The following PHLDA3 variants were observed in gnomAD, a reference collection of about 807,000 sequenced individuals.
PHLDA3 encodes the protein pleckstrin homology like domain family A member 3.
In PHLDA3, 12 loss-of-function variants were observed where a neutral mutation model predicts 7.6. The ratio of observed to expected loss-of-function variants is 1.58; its 90% CI spans 1.01 to 2.55. The LOEUF (loss-of-function observed/expected upper bound fraction) is 2.55, where lower values mean the gene tolerates loss of function less well. PHLDA3 is among the 30% of genes most tolerant of loss of function. PHLDA3 has a pLI of 0.00. For missense variants in PHLDA3, 177 were observed against 175.6 expected (o/e 1.01, Z -0.05); for synonymous variants, 104 against 85.1 (o/e 1.22, Z -1.23).
In PHLDA3 at chr1:201,464,425, A is replaced by G. The variant is rs1483290787; in HGVS notation, c.*1816T>C. ...TTATAAAAGTTCTGTTGTAATTAACAAATTCTCATTCAACTGTGTGATGTA... is the reference window on the plus strand; with the variant it reads ...TTATAAAAGTTCTGTTGTAATTAACGAATTCTCATTCAACTGTGTGATGTA... On this transcript the variant is annotated 3_prime_UTR_variant, in exon 2 of 2. Coordinates refer to ENST00000367311, the MANE Select transcript of PHLDA3 (RefSeq NM_012396.5). 2.0e-5 allele frequency: 3 copies of G among 152,262 alleles called. No individual in the cohort carries two copies. The allele number at this position is 152,262 out of a possible 1,614,324, so 9.4% of individuals were successfully genotyped here. A position where few individuals can be genotyped will look rare whatever the true frequency, so the allele number is the denominator to read the frequency against.
chr1:201,469,144 G>T lies in PHLDA3; in HGVS notation c.-358C>A. 1 of 222,470 alleles carries T rather than the reference G, an allele frequency of 4.5e-6. No individual in the cohort carries two copies. The allele number at this position is 222,470 out of a possible 1,614,324, so 13.8% of individuals were successfully genotyped here. On this transcript the variant is annotated 5_prime_UTR_variant, in exon 1 of 2. Coordinates refer to ENST00000367311, the MANE Select transcript of PHLDA3 (RefSeq NM_012396.5). ...CCCCTGGGCTCTGTCTGCGCGCTGG[G>T]CGGCAGCTCGCGGGATGTGCCCTTA...
At chr1:201,467,992 C>T (rs192746362) in intron 1 of PHLDA3, among the ~76,000 whole-genome samples, 6 of 152,378 alleles carry the variant, frequency 3.9e-5, no homozygotes, top group Non-Finnish European at 8.8e-5. Flanking sequence ...CAGAGGCCCA[C>T]AGCCTGGGGC....
chr1:201,469,120 C>A lies in PHLDA3; in HGVS notation c.-334G>T. 3.8e-6 allele frequency: 1 copy of A among 265,196 alleles called. No homozygotes were observed. The highest frequency in any genetic ancestry group is 7.1e-6 in the Non-Finnish European group (1 of 141,664). The allele number at this position is 265,196 out of a possible 1,614,324, so 16.4% of individuals were successfully genotyped here. On this transcript the variant is annotated 5_prime_UTR_variant, in exon 1 of 2. Transcript: ENST00000367311. Reference sequence around the variant, plus strand: ...CCACCGCCCGCCCGTTCTCTTGCTCCCCTGGGCTCTGTCTGCGCGCTGGGC... The same window carrying A: ...CCACCGCCCGCCCGTTCTCTTGCTCACCTGGGCTCTGTCTGCGCGCTGGGC...
intron 1 of PHLDA3, chr1:201,467,654 A>T: frequency 6.9e-6 from 1 of 145,332 alleles, no homozygotes; most frequent in Non-Finnish European, 1.5e-5. Flanking sequence ...ACACACACAC[A>T]CACACACACA....
intron 1 of PHLDA3, among the ~76,000 whole-genome samples, chr1:201,467,222 G>A (rs965323013): frequency 4.6e-5 from 7 of 152,098 alleles, no homozygotes; most frequent in Non-Finnish European, 1.5e-5. Context: ...TGGGAGGATC[G>A]CTTGAGCCCA....
In PHLDA3 at chr1:201,465,571, C is replaced by T. The variant is rs1296092912; in HGVS notation, c.*670G>A. 6.5e-6 allele frequency: 1 copy of T among 155,004 alleles called. No homozygotes were observed. Among genetic ancestry groups the T allele is most frequent in the East Asian group, 1.9e-4 (1 of 5,202 alleles). 9.6% of individuals were successfully genotyped at this position (155,004 alleles called of 1,614,324 possible). On this transcript the variant is annotated 3_prime_UTR_variant, in exon 2 of 2. Transcript: ENST00000367311. ...CTAATGGCCAAACCCCCCCTCACCC[C>T]CACCACCTTCAGGCCGAACACCGCA...
intron 1 of PHLDA3, among the ~76,000 whole-genome samples, chr1:201,467,815 G>T (rs1383105234): frequency 1.3e-5 from 2 of 152,160 alleles, no homozygotes; most frequent in Non-Finnish European, 2.9e-5. Flanking sequence ...TGGTGCCTTC[G>T]CCATCTGGGA....
chr1:201,468,664 G>C lies in PHLDA3; in HGVS notation c.123C>G (p.Phe41Leu). 2 of 1,612,620 alleles carry C rather than the reference G, an allele frequency of 1.2e-6. No homozygotes were observed. The highest frequency in any genetic ancestry group is 1.7e-6 in the Non-Finnish European group (2 of 1,179,798). ...GCCGGCCGCCCGTGCCCTTGGCCTC[G>C]AAGAGCTGCAGCCCGCGTTCGGTGA... The part of the protein sequence containing the change: ...CVLTERGLQL[F>L]EAKGTGGRPK... The change falls in exon 1 of 2, where the codon TTC (phenylalanine) becomes TTG (leucine). Residue 41 changes from phenylalanine to leucine, a missense_variant. Transcript: ENST00000367311.
rs1663628303 is a variant in PHLDA3 at position 201,465,079 on chromosome 1, T to A, written c.*1162A>T. ...CACCCACCTCAGCCTCCCAAAGTCC[T>A]TGGATTACAGTTGTGAGCCACCGTG... On this transcript the variant is annotated 3_prime_UTR_variant, in exon 2 of 2. Transcript: ENST00000367311. 1 of 152,260 alleles carries A rather than the reference T, an allele frequency of 6.6e-6. No homozygotes were observed. The highest frequency in any genetic ancestry group is 2.4e-5 in the African/African-American group (1 of 41,454). The allele number at this position is 152,260 out of a possible 1,614,324, so 9.4% of individuals were successfully genotyped here.
At position 201,464,978 on chromosome 1, in the gene PHLDA3, T is replaced by A. The variant is rs1394617784; in HGVS notation, c.*1263A>T. The stretch of plus-strand genomic sequence containing the variant: ...ATAGGTGTGTGCCACCTCACCTGGC[T>A]AATTTTTGTTTTTAGTAGAGACAGG... On this transcript the variant is annotated 3_prime_UTR_variant, in exon 2 of 2. Transcript: ENST00000367311. The A allele has an allele frequency of 2.0e-5, 3 of 152,194 alleles. No individual in the cohort carries two copies. The highest frequency in any genetic ancestry group is 2.0e-4 in the Admixed American group (3 of 15,284). The allele number at this position is 152,194 out of a possible 1,614,324, so 9.4% of individuals were successfully genotyped here. A position where few individuals can be genotyped will look rare whatever the true frequency, so the allele number is the denominator to read the frequency against.
At chr1:201,466,633 T>G (rs1419232640) in intron 1 of PHLDA3, 1 of 152,174 alleles carries the variant, frequency 6.6e-6, no homozygotes, top group African/African-American at 2.4e-5. Context: ...CTACTCCTAC[T>G]TCTCACAAGA....
rs1663637924 is a variant in PHLDA3, at chr1:201,465,491, CTG to C, written c.*748_*749del. On this transcript the variant is annotated 3_prime_UTR_variant, in exon 2 of 2. Transcript: ENST00000367311. ...TGGGCAAAGAATTTCACTCAGCAAA[CTG>C]TGTGGTTACTGCCCTTTGCAGGGCA... The C allele has an allele frequency of 6.5e-6, 1 of 154,756 alleles. No individual in the cohort carries two copies. Among genetic ancestry groups the C allele is most frequent in the African/African-American group, 2.4e-5 (1 of 41,514 alleles). 9.6% of individuals were successfully genotyped at this position (154,756 alleles called of 1,614,324 possible). A position where few individuals can be genotyped will look rare whatever the true frequency, so the allele number is the denominator to read the frequency against.
rs1490361990 is a variant in PHLDA3, at chr1:201,468,734, C to G, written c.53G>C (p.Arg18Pro). Residue 18 changes from arginine to proline, a missense_variant, in exon 1 of 2, where the codon CGC becomes CCC. Transcript: ENST00000367311. ...TVLKEGVLEKRSGGLLQLWKR... is the reference protein window; with the variant it reads ...TVLKEGVLEKPSGGLLQLWKR... ...CCACAGCTGCAGCAGCCCGCCGCTG[C>G]GCTTCTCCAGCACGCCCTCCTTGAG... is the stretch of plus-strand genomic sequence containing the variant. 5.0e-6 allele frequency: 8 copies of G among 1,599,392 alleles called. No homozygotes were observed. Among genetic ancestry groups the G allele is most frequent in the Non-Finnish European group, 6.8e-6 (8 of 1,177,364 alleles).
chr1:201,465,150 G>T lies in PHLDA3; in HGVS notation c.*1091C>A, dbSNP rs1293457055. 1 of 152,188 alleles carries T rather than the reference G, an allele frequency of 6.6e-6. No individual in the cohort carries two copies. The highest frequency in any genetic ancestry group is 1.5e-5 in the Non-Finnish European group (1 of 68,022). 9.4% of individuals were successfully genotyped at this position (152,188 alleles called of 1,614,324 possible). A position where few individuals can be genotyped will look rare whatever the true frequency, so the allele number is the denominator to read the frequency against. On this transcript the variant is annotated 3_prime_UTR_variant, in exon 2 of 2. Coordinates refer to ENST00000367311, the MANE Select transcript of PHLDA3 (RefSeq NM_012396.5). ...AATTATTCCTTTTAACCCTCCAGGAGGGAGAACTTACTGTGTAAATGTATA... is the reference window on the plus strand; with the variant it reads ...AATTATTCCTTTTAACCCTCCAGGATGGAGAACTTACTGTGTAAATGTATA...
At chr1:201,467,247 T>C (rs977016449) in intron 1 of PHLDA3, among the ~76,000 whole-genome samples, 15 of 152,064 alleles carry the variant, frequency 9.9e-5, no homozygotes, top group Admixed American at 2.0e-4. Flanking sequence ...GTTGAAGCTG[T>C]TGAGGCTGCA....
In PHLDA3 at chr1:201,465,328, C is replaced by T. The variant is rs1250116737; in HGVS notation, c.*913G>A. The T allele has an allele frequency of 6.6e-6, 1 of 152,384 alleles. No homozygotes were observed. 9.4% of individuals were successfully genotyped at this position (152,384 alleles called of 1,614,324 possible). Reference sequence around the variant, plus strand: ...CATCCCTCGGTCCAGAATCTATGGGCCCTCCTTCCTAGGACCACCAAGGCC... The same window carrying T: ...CATCCCTCGGTCCAGAATCTATGGGTCCTCCTTCCTAGGACCACCAAGGCC... On this transcript the variant is annotated 3_prime_UTR_variant, in exon 2 of 2. Transcript: ENST00000367311.
rs558435244 is a variant in PHLDA3 at position 201,468,650 on chromosome 1, G to A, written c.137C>T (p.Thr46Met). The change falls in exon 1 of 2, where the codon ACG becomes ATG. Residue 46 changes from threonine to methionine, a missense_variant. Coordinates refer to ENST00000367311, the MANE Select transcript of PHLDA3 (RefSeq NM_012396.5). Reference protein sequence around the residue: ...RGLQLFEAKGTGGRPKELSFA... With the variant: ...RGLQLFEAKGMGGRPKELSFA... ...GCTGAGCTCCTTGGGCCGGCCGCCC[G>A]TGCCCTTGGCCTCGAAGAGCTGCAG... The A allele has an allele frequency of 2.5e-6, 4 of 1,612,960 alleles. No individual in the cohort carries two copies. Among genetic ancestry groups the A allele is most frequent in the African/African-American group, 1.3e-5 (1 of 75,056 alleles).
intron 1 of PHLDA3, among the ~76,000 whole-genome samples, chr1:201,467,193 A>G (rs1663683378): frequency 6.6e-6 from 1 of 151,940 alleles, no homozygotes; most frequent in South Asian, 2.1e-4. Flanking sequence ...CTGTAGTCCC[A>G]GCTACCTGGA....
At chr1:201,466,924 C>A (rs1408710955) in intron 1 of PHLDA3, among the ~76,000 whole-genome samples, 3 of 152,160 alleles carry the variant, frequency 2.0e-5, no homozygotes, top group South Asian at 2.1e-4. Flanking sequence ...AGGCCCCCAC[C>A]CCTTGGCATC....
Sources: gnomAD v4.1 joint callset for allele counts (sites outside exome capture counted in the v4.1 genomes callset) on GRCh38, gnomAD v4.1.1 for gene constraint, MANE v1.5 for transcripts, NCBI Gene and HGNC (gene_info 2026-07-23, HGNC 2026-07-21) for gene names.